WDR19: variants seen among roughly 807,000 people sequenced by gnomAD.
The protein encoded by WDR19 is WD repeat-containing protein 19.
Under a neutral mutation model 180.0 loss-of-function variants are expected in WDR19, and 121 were observed. That is an observed-to-expected ratio of 0.67 (90% CI 0.58 to 0.78). The LOEUF (loss-of-function observed/expected upper bound fraction) is 0.78. WDR19 is among the 30% of genes least tolerant of loss of function. WDR19 has a pLI of 0.00. For synonymous variants in WDR19, 497 were observed against 540.7 expected, an observed-to-expected ratio of 0.92 and a Z score of 1.12; for missense variants, 1,450 against 1,640.7, an observed-to-expected ratio of 0.88 and a Z score of 2.01.
At chr4:39,242,536 T>C (rs1425347315) in intron 21 of WDR19, among the ~76,000 whole-genome samples, 1 of 152,216 alleles carries the variant, frequency 6.6e-6, no homozygotes, top group African/African-American at 2.4e-5. Flanking sequence ...TCAAAAATAC[T>C]GCAGGCTAGA....
chr4:39,189,554 C>G, intron 3 of WDR19, 102 bp from the exon 4 acceptor site: 1 of 1,075,162 alleles, frequency 9.3e-7, no homozygotes, highest in Non-Finnish European at 1.3e-6. Context: ...AGTTTATTAT[C>G]TGTTCAAAAT....
chr4:39,273,277 G>A (rs1366984778), intron 32 of WDR19: 4 of 506,050 alleles, frequency 7.9e-6, no homozygotes, highest in Non-Finnish European at 1.4e-5. Context: ...TACCAAAGCC[G>A]AGATTTATCA....
rs368949539 is a variant in WDR19, at chr4:39,280,141, T to TTTTTTTTTTTTTTTTTTTTTTTTTTTA, written c.*13+1478_*13+1479insTTTTTTTTTTTTTTTTTTTTTTTTTTA. Among the ~76,000 whole-genome samples, 30 of 88,392 alleles carry TTTTTTTTTTTTTTTTTTTTTTTTTTTA rather than the reference T, an allele frequency of 3.4e-4. 4 individuals are homozygous for TTTTTTTTTTTTTTTTTTTTTTTTTTTA. The highest frequency in any genetic ancestry group is 1.0e-3 in the Admixed American group (6 of 5,998). 58.0% of individuals were successfully genotyped at this position (88,392 alleles called of 152,430 possible). On this transcript the variant is annotated intron_variant, in intron 36 of 36. Transcript: ENST00000399820. ...CTTGTTTTTTTTTTTTTTTTTTTTT[T>TTTTTTTTTTTTTTTTTTTTTTTTTTTA]AATAGAGGCAGGGTCTCGCCACATT...
At chr4:39,202,096 T>G (rs977268565) in intron 6 of WDR19, among the ~76,000 whole-genome samples, 4 of 152,202 alleles carry the variant, frequency 2.6e-5, no homozygotes, top group African/African-American at 9.6e-5. Context: ...TCATTATCTC[T>G]TTGAATATTA....
intron 17 of WDR19, among the ~76,000 whole-genome samples, chr4:39,231,156 A>T (rs1186846796): frequency 6.6e-6 from 1 of 152,062 alleles, no homozygotes; most frequent in Non-Finnish European, 1.5e-5. Context: ...CTAAAAATAC[A>T]AAAAATTAGC....
chr4:39,253,960 C>G lies in WDR19; in HGVS notation c.2931C>G (p.Ser977=). ...CTGCCATCCAGTTTCTTGTCATGTC[C>G]AAATGCAACAATGAAGCTTTCACAC... is the stretch of plus-strand genomic sequence containing the variant. ...YGSAIQFLVM[S]KCNNEAFTLA... The change falls in exon 26 of 37, where the codon TCC becomes TCG. Residue 977 remains serine, a synonymous_variant. Transcript: ENST00000399820. 2 of 1,611,604 alleles carry G rather than the reference C, an allele frequency of 1.2e-6. No individual in the cohort carries two copies. Among genetic ancestry groups the G allele is most frequent in the Non-Finnish European group, 8.5e-7 (1 of 1,178,298 alleles).
intron 9 of WDR19, among the ~76,000 whole-genome samples, chr4:39,208,805 A>T (rs1728210494): frequency 1.3e-5 from 2 of 152,188 alleles, no homozygotes; most frequent in Non-Finnish European, 2.9e-5. Flanking sequence ...TGACCTAAAG[A>T]TGACTGAAAG....
intron 18 of WDR19, 36 bp from the exon 19 acceptor site, chr4:39,232,126 C>T (rs1298844710): frequency 1.3e-6 from 2 of 1,561,496 alleles, no homozygotes; most frequent in South Asian, 2.3e-5. Context: ...TAAACTCTTG[C>T]ATTTTTTTTC....
chr4:39,257,533 A>G lies in WDR19; in HGVS notation c.3162A>G (p.Ala1054=). Residue 1054 remains alanine, a synonymous_variant, in exon 28 of 37, where the codon GCA becomes GCG. Transcript: ENST00000399820. The part of the protein sequence containing the change: ...LKCPSSEDNV[A]IEMAIETVGQ... Reference sequence around the variant, plus strand: ...GCCCAAGCTCGGAAGATAATGTGGCAATAGAAATGGCAATTGAAACTGTAA... The same window carrying G: ...GCCCAAGCTCGGAAGATAATGTGGCGATAGAAATGGCAATTGAAACTGTAA... 6 of 1,589,762 alleles carry G rather than the reference A, an allele frequency of 3.8e-6. No homozygotes were observed. The highest frequency in any genetic ancestry group is 5.1e-6 in the Non-Finnish European group (6 of 1,167,066).
chr4:39,281,236 T>TAGAGAGAGAGAGAGAGAGAG (rs1553919999), intron 36 of WDR19, among the ~76,000 whole-genome samples: 283 of 103,870 alleles, frequency 2.7e-3, no homozygotes, highest in African/African-American at 3.2e-3. Flanking sequence ...TATATATATA[T>TAGAGAGAGAGAGAGAGAGAG]AGAGAGAGAG....
rs767401110 is a variant in WDR19, at chr4:39,216,007, TGAA to T, written c.1130_1132del (p.Glu377del). ...TTGAAGTCACCGTAGCCAACCCTGTTGAAGGAGTATGAAAATGGTGTTATTTTT... is the reference window on the plus strand; with the variant it reads ...TTGAAGTCACCGTAGCCAACCCTGTTGGAGTATGAAAATGGTGTTATTTTT... On this transcript the variant is annotated inframe_deletion, in exon 11 of 37. Coordinates refer to ENST00000399820, the MANE Select transcript of WDR19 (RefSeq NM_025132.4). The T allele has an allele frequency of 1.3e-6, 2 of 1,587,670 alleles. No individual in the cohort carries two copies. Among genetic ancestry groups the T allele is most frequent in the Non-Finnish European group, 1.7e-6 (2 of 1,167,978 alleles).
At chr4:39,228,029 A>C (rs560432147) in intron 15 of WDR19, among the ~76,000 whole-genome samples, 181 bp from the exon 16 acceptor site, 1 of 152,276 alleles carries the variant, frequency 6.6e-6, no homozygotes, top group East Asian at 1.9e-4. Context: ...TAGTTTTTTC[A>C]AGCCAGACCT....
chr4:39,198,162 C>G (rs575060081), intron 5 of WDR19, among the ~76,000 whole-genome samples: 1 of 152,242 alleles, frequency 6.6e-6, no homozygotes, highest in East Asian at 1.9e-4. Flanking sequence ...TATACCTGAA[C>G]AGTTAAACAG....
intron 6 of WDR19, among the ~76,000 whole-genome samples, chr4:39,201,459 T>A (rs536177276): frequency 3.9e-5 from 6 of 152,294 alleles, no homozygotes; most frequent in African/African-American, 1.4e-4. Context: ...TTTTAGTAGA[T>A]AGTGCAAAAC....
intron 32 of WDR19, chr4:39,274,167 G>A (rs1338596264): frequency 1.3e-5 from 2 of 152,136 alleles, no homozygotes; most frequent in Non-Finnish European, 2.9e-5. Flanking sequence ...TTAGCTCATG[G>A]ACCATACAAA....
chr4:39,259,215 G>C (rs1374491814), intron 28 of WDR19, among the ~76,000 whole-genome samples: 2 of 152,174 alleles, frequency 1.3e-5, no homozygotes, highest in Non-Finnish European at 2.9e-5. Context: ...GTGTAAGGTA[G>C]GGGTCAAGGA....
chr4:39,228,706 C>T lies in WDR19; in HGVS notation c.1982+16C>T. 6.6e-7 allele frequency: 1 copy of T among 1,510,364 alleles called. No homozygotes were observed. The highest frequency in any genetic ancestry group is 8.9e-7 in the Non-Finnish European group (1 of 1,128,528). The allele number at this position is 1,510,364 out of a possible 1,614,324, so 93.6% of individuals were successfully genotyped here. On this transcript the variant is annotated intron_variant, in intron 17 of 36. Coordinates refer to ENST00000399820, the MANE Select transcript of WDR19 (RefSeq NM_025132.4). ...TGCTAAAGAGGTAGGCTTTCACACACTTCTTTTGGAACTTCTCATTTGCTT... is the reference window on the plus strand; with the variant it reads ...TGCTAAAGAGGTAGGCTTTCACACATTTCTTTTGGAACTTCTCATTTGCTT...
At chr4:39,192,910 A>G (rs1560477321) in intron 4 of WDR19, among the ~76,000 whole-genome samples, 1 of 152,190 alleles carries the variant, frequency 6.6e-6, no homozygotes, top group Non-Finnish European at 1.5e-5. Flanking sequence ...GGAACAGCCC[A>G]TGAGAAAGCA....
At chr4:39,201,350 T>C (rs1368460682) in intron 6 of WDR19, among the ~76,000 whole-genome samples, 1 of 152,172 alleles carries the variant, frequency 6.6e-6, no homozygotes, top group African/African-American at 2.4e-5. Context: ...TCCCTTCATA[T>C]CATATGACTA....
Sources: gnomAD v4.1 joint callset for allele counts (sites outside exome capture counted in the v4.1 genomes callset) on GRCh38, gnomAD v4.1.1 for gene constraint, MANE v1.5 for transcripts, NCBI Gene and HGNC (gene_info 2026-07-23, HGNC 2026-07-21) for gene names.